The following TRPC4 variants were observed in gnomAD, a reference collection of about 807,000 sequenced individuals.
TRPC4 encodes short transient receptor potential channel 4.
A neutral mutation model predicts 99.4 loss-of-function variants in TRPC4; 49 were observed. That is an observed-to-expected ratio of 0.49 (90% CI 0.39 to 0.63). The LOEUF (loss-of-function observed/expected upper bound fraction) is 0.63. Among genes scored for constraint, TRPC4 ranks in the 20% least tolerant of loss-of-function variants. The pLI is 0.00. For synonymous variants in TRPC4, 454 were observed against 425.9 expected, an observed-to-expected ratio of 1.07 and a Z score of -0.81; for missense variants, 898 against 1,152.9, an observed-to-expected ratio of 0.78 and a Z score of 3.20.
chr13:37,781,929 A>C (rs897584439), intron 2 of TRPC4, among the ~76,000 whole-genome samples: 5 of 151,866 alleles, frequency 3.3e-5, no homozygotes, highest in African/African-American at 1.2e-4. Flanking sequence ...TTGTAAAAAA[A>C]ATGTCACACC....
At chr13:37,836,339 A>G (rs1958564741) in intron 1 of TRPC4, among the ~76,000 whole-genome samples, 1 of 152,214 alleles carries the variant, frequency 6.6e-6, no homozygotes, top group African/African-American at 2.4e-5. Context: ...GGAACTGGGT[A>G]ACAGGAAGAG....
chr13:37,796,968 A>ATAAAATAAAGTAAAG (rs1555273561), intron 1 of TRPC4, among the ~76,000 whole-genome samples: 3 of 115,110 alleles, frequency 2.6e-5, no homozygotes, highest in African/African-American at 3.8e-5. Flanking sequence ...ATAAAATAAA[A>ATAAAATAAAGTAAAG]TAAAGTAAAG....
chr13:37,713,645 C>T lies in TRPC4; in HGVS notation c.898-21310G>A, dbSNP rs1330477068. Among the ~76,000 whole-genome samples, 8 of 152,154 alleles carry T rather than the reference C, an allele frequency of 5.3e-5. No individual in the cohort carries two copies. In the East Asian group the frequency reaches 1.5e-3, roughly 29 times the overall value. On this transcript the variant is annotated intron_variant, in intron 3 of 10. Coordinates refer to ENST00000379705, the MANE Select transcript of TRPC4 (RefSeq NM_016179.4). ...AAACTGAGGAAGAAGAGTAATTTTA[C>T]ATAGGATCAGGTATAGTGATCTGAA...
chr13:37,694,230 G>T (rs976529476), intron 3 of TRPC4, among the ~76,000 whole-genome samples: 1 of 152,062 alleles, frequency 6.6e-6, no homozygotes, highest in Non-Finnish European at 1.5e-5. Flanking sequence ...TGATAAAAGA[G>T]AGTTAAGAAA....
intron 1 of TRPC4, among the ~76,000 whole-genome samples, chr13:37,824,273 C>T (rs1395606586): frequency 6.8e-6 from 1 of 146,692 alleles, no homozygotes; most frequent in Non-Finnish European, 1.5e-5. Flanking sequence ...TTTCCTTCTC[C>T]TGCCTAATTG....
intron 3 of TRPC4, among the ~76,000 whole-genome samples, chr13:37,742,608 C>T (rs533078169): frequency 3.9e-5 from 6 of 152,104 alleles, no homozygotes; most frequent in East Asian, 3.9e-4. Context: ...TGAGACAAGA[C>T]GTGAGATGAC....
At chr13:37,853,477 G>T (rs1959107934) in intron 1 of TRPC4, among the ~76,000 whole-genome samples, 1 of 152,138 alleles carries the variant, frequency 6.6e-6, no homozygotes, top group South Asian at 2.1e-4. Context: ...GGACTGTGAA[G>T]ACTACAATAA....
intron 1 of TRPC4, among the ~76,000 whole-genome samples, chr13:37,798,114 A>C (rs926253741): frequency 3.3e-5 from 5 of 152,180 alleles, no homozygotes; most frequent in African/African-American, 9.7e-5. Context: ...TAAATAGCAT[A>C]GTGTATTTTC....
In TRPC4 at chr13:37,633,537, T is replaced by C. The variant is rs534710666; in HGVS notation, c.*3366A>G. 1.1e-4 allele frequency among the ~76,000 whole-genome samples: 17 copies of C among 152,328 alleles called. No homozygotes were observed. Among genetic ancestry groups the C allele is most frequent in the Admixed American group, 2.6e-4 (4 of 15,290 alleles). ...ATGTTAGAAGAATATATTCTTATGC[T>C]ATTGTTACTTATGTTTCCTCCACCT... On this transcript the variant is annotated 3_prime_UTR_variant, in exon 11 of 11. Transcript: ENST00000379705.
intron 1 of TRPC4, among the ~76,000 whole-genome samples, chr13:37,857,197 A>G (rs1004017773): frequency 2.6e-5 from 4 of 151,722 alleles, no homozygotes; most frequent in Admixed American, 6.6e-5. Flanking sequence ...AAAAATAAAT[A>G]CCTATGAAAT....
At chr13:37,863,389 C>T (rs978369380) in intron 1 of TRPC4, among the ~76,000 whole-genome samples, 1 of 151,646 alleles carries the variant, frequency 6.6e-6, no homozygotes, top group East Asian at 1.9e-4. Flanking sequence ...AGCAGTCTCC[C>T]ACTCTTTATT....
chr13:37,680,923 T>C (rs1387978809), intron 4 of TRPC4, among the ~76,000 whole-genome samples: 2 of 152,254 alleles, frequency 1.3e-5, no homozygotes, highest in Non-Finnish European at 2.9e-5. Flanking sequence ...AGAGCATTTA[T>C]ATTTCATTAT....
intron 8 of TRPC4, 120 bp downstream of exon 8, chr13:37,651,145 C>T: frequency 9.1e-7 from 1 of 1,097,034 alleles, no homozygotes; most frequent in Non-Finnish European, 1.3e-6. Context: ...TATAAATGTT[C>T]ATGACATGCA....
chr13:37,786,092 G>C (rs1239470133), intron 1 of TRPC4, among the ~76,000 whole-genome samples: 1 of 152,020 alleles, frequency 6.6e-6, no homozygotes, highest in Non-Finnish European at 1.5e-5. Context: ...GAGAAGTTAA[G>C]AATGAAAGCA....
rs1348449472 is a variant in TRPC4, at chr13:37,634,190, A to G, written c.*2713T>C. 6.6e-6 allele frequency among the ~76,000 whole-genome samples: 1 copy of G among 152,140 alleles called. No homozygotes were observed. The highest frequency in any genetic ancestry group is 1.5e-5 in the Non-Finnish European group (1 of 67,992). ...TTTAGAAATTTCTGTGGATAGAAAT[A>G]TGAATAGAAACGAACACCCTGAAGT... is the stretch of plus-strand genomic sequence containing the variant. On this transcript the variant is annotated 3_prime_UTR_variant, in exon 11 of 11. Transcript: ENST00000379705.
intron 3 of TRPC4, among the ~76,000 whole-genome samples, chr13:37,701,088 A>C (rs1234961752): frequency 6.6e-6 from 1 of 152,166 alleles, no homozygotes; most frequent in Non-Finnish European, 1.5e-5. Flanking sequence ...TATTTGCTCC[A>C]ACTTGTATGG....
chr13:37,683,429 G>C (rs982416554), intron 4 of TRPC4, among the ~76,000 whole-genome samples: 1 of 152,146 alleles, frequency 6.6e-6, no homozygotes, highest in African/African-American at 2.4e-5. Flanking sequence ...CTTCTTGCCA[G>C]GACTCAAGAG....
At chr13:37,691,852 G>T (rs1953723167) in intron 4 of TRPC4, 147 bp downstream of exon 4, 2 of 745,972 alleles carry the variant, frequency 2.7e-6, no homozygotes, top group African/African-American at 3.5e-5. Flanking sequence ...TAGTTGTTTG[G>T]CTTTGGGGGT....
chr13:37,843,855 G>T (rs1593304145), intron 1 of TRPC4, among the ~76,000 whole-genome samples: 1 of 152,108 alleles, frequency 6.6e-6, no homozygotes, highest in Non-Finnish European at 1.5e-5. Flanking sequence ...CCACACCTTG[G>T]AAGTGAGTCA....
Sources: allele counts gnomAD v4.1 joint callset (sites outside exome capture counted in the v4.1 genomes callset), GRCh38; gene constraint gnomAD v4.1.1; transcripts MANE v1.5; gene names NCBI Gene and HGNC (gene_info 2026-07-23, HGNC 2026-07-21).